MAML3: variants seen among roughly 807,000 people sequenced by gnomAD.
MAML3 encodes mastermind-like protein 3.
A neutral mutation model predicts 101.9 loss-of-function variants in MAML3; 27 were observed. The observed-to-expected ratio is 0.27, with a 90% CI of 0.20 to 0.37. The LOEUF (loss-of-function observed/expected upper bound fraction) is 0.37. MAML3 is among the 10% of genes least tolerant of loss of function. MAML3 has a pLI of 1.00. For synonymous variants in MAML3, 501 were observed against 555.9 expected (o/e 0.90, Z 1.39); for missense variants, 1,316 against 1,444.9 (o/e 0.91, Z 1.45).
At chr4:139,965,762 T>A (rs1734117942) in intron 1 of MAML3, among the ~76,000 whole-genome samples, 1 of 152,214 alleles carries the variant, frequency 6.6e-6, no homozygotes, top group Non-Finnish European at 1.5e-5. Context: ...GGGTCTTTTT[T>A]ATTTTATTTT....
At chr4:139,993,931 G>C (rs1383021721) in intron 1 of MAML3, among the ~76,000 whole-genome samples, 1 of 152,142 alleles carries the variant, frequency 6.6e-6, no homozygotes, top group African/African-American at 2.4e-5. Flanking sequence ...CCAAAACCCA[G>C]GTAACAAAGA....
rs964646580 is a variant in MAML3 at position 139,756,082 on chromosome 4, A to G, written c.2080-25415T>C. The stretch of plus-strand genomic sequence containing the variant: ...TAGGAAAGCGGCACATAGTAGAAGA[A>G]AAAAAAGCAACTTTCTGCAGAGTAT... On this transcript the variant is annotated intron_variant, in intron 2 of 4. Coordinates refer to ENST00000509479, the MANE Select transcript of MAML3 (RefSeq NM_018717.5). Among the ~76,000 whole-genome samples the G allele has an allele frequency of 3.3e-5, 5 of 152,224 alleles. No individual in the cohort carries two copies. The South Asian group carries it at 1.0e-3, about 31-fold the overall frequency.
chr4:139,967,491 C>T (rs1161255575), intron 1 of MAML3, among the ~76,000 whole-genome samples: 1 of 151,674 alleles, frequency 6.6e-6, no homozygotes, highest in Non-Finnish European at 1.5e-5. Flanking sequence ...CACACACACA[C>T]ACACACACAC....
intron 1 of MAML3, among the ~76,000 whole-genome samples, chr4:140,010,350 T>C (rs1292332110): frequency 1.3e-5 from 2 of 152,168 alleles, no homozygotes; most frequent in Non-Finnish European, 2.9e-5. Context: ...AGCACACCTA[T>C]ACACACACAC....
At chr4:140,106,117 A>AG (rs1728348510) in intron 1 of MAML3, among the ~76,000 whole-genome samples, 2 of 141,178 alleles carry the variant, frequency 1.4e-5, no homozygotes, top group South Asian at 2.2e-4. Flanking sequence ...GACTTCAAGA[A>AG]AAAAAAAAAA....
chr4:139,874,191 AAG>A (rs1732066145), intron 2 of MAML3, among the ~76,000 whole-genome samples: 1 of 152,118 alleles, frequency 6.6e-6, no homozygotes, highest in East Asian at 1.9e-4. Flanking sequence ...TAAGGCCTCA[AAG>A]AGTCTAACAG....
At position 139,721,050 on chromosome 4, in the gene MAML3, T is replaced by C. The variant is rs985088724; in HGVS notation, c.2417-727A>G. On this transcript the variant is annotated intron_variant, in intron 4 of 4. Transcript: ENST00000509479. ...TGTCATTGCAAACTGGCCAGCTTCC[T>C]GAGCTAGAAAAAGAAATCATCCTGC... 7.2e-5 allele frequency among the ~76,000 whole-genome samples: 11 copies of C among 152,246 alleles called. 1 individual carries two copies. Among genetic ancestry groups the C allele is most frequent in the Admixed American group, 6.5e-4 (10 of 15,278 alleles).
At chr4:139,744,709 G>A (rs1729267381) in intron 2 of MAML3, among the ~76,000 whole-genome samples, 1 of 152,188 alleles carries the variant, frequency 6.6e-6, no homozygotes, top group South Asian at 2.1e-4. Context: ...TGCAGCCACG[G>A]CCCCTGTCCT....
intron 2 of MAML3, among the ~76,000 whole-genome samples, chr4:139,840,138 C>T (rs1731335970): frequency 6.6e-6 from 1 of 152,200 alleles, no homozygotes; most frequent in Admixed American, 6.5e-5. Context: ...ATGGAGACTG[C>T]AATGACATAT....
chr4:139,873,045 G>A (rs1030464185), intron 2 of MAML3, among the ~76,000 whole-genome samples: 2 of 152,094 alleles, frequency 1.3e-5, no homozygotes, highest in African/African-American at 4.8e-5. Flanking sequence ...TTGTGCCACT[G>A]CACTCCAGCC....
intron 1 of MAML3, among the ~76,000 whole-genome samples, chr4:139,973,620 G>A (rs770301107): frequency 1.3e-5 from 2 of 152,064 alleles, no homozygotes; most frequent in Non-Finnish European, 2.9e-5. Flanking sequence ...ATATTTCTTG[G>A]TCAAAGGATA....
At chr4:139,964,403 C>T (rs1734085944) in intron 1 of MAML3, among the ~76,000 whole-genome samples, 1 of 152,010 alleles carries the variant, frequency 6.6e-6, no homozygotes, top group Admixed American at 6.5e-5. Context: ...AACACATAGA[C>T]ACAAAGAGGG....
chr4:139,960,947 G>T (rs534685446), intron 1 of MAML3, among the ~76,000 whole-genome samples: 19 of 152,322 alleles, frequency 1.2e-4, no homozygotes, highest in African/African-American at 4.3e-4. Flanking sequence ...GAGTTCAAAA[G>T]GAGCCACAGG....
intron 2 of MAML3, among the ~76,000 whole-genome samples, chr4:139,770,812 G>A (rs1729959920): frequency 6.6e-6 from 1 of 152,186 alleles, no homozygotes; most frequent in African/African-American, 2.4e-5. Context: ...AGTTTCTCTT[G>A]AAAGGATAGG....
chr4:140,058,602 T>C (rs1727392795), intron 1 of MAML3, among the ~76,000 whole-genome samples: 1 of 137,236 alleles, frequency 7.3e-6, no homozygotes, highest in South Asian at 2.4e-4. Flanking sequence ...TTAATCTATA[T>C]TTTCTTAGTA....
intron 1 of MAML3, among the ~76,000 whole-genome samples, chr4:140,048,366 A>G (rs1305578475): frequency 1.3e-5 from 2 of 152,236 alleles, no homozygotes; most frequent in Non-Finnish European, 2.9e-5. Context: ...TGACCAAATA[A>G]TAAAGCCATC....
At chr4:140,041,752 C>T (rs143862798) in intron 1 of MAML3, among the ~76,000 whole-genome samples, 83 of 152,286 alleles carry the variant, frequency 5.5e-4, no homozygotes, top group African/African-American at 1.8e-3. Context: ...GATCTTACCT[C>T]TAGCATGTTT....
At chr4:139,970,133 C>G (rs762244189) in intron 1 of MAML3, among the ~76,000 whole-genome samples, 3 of 152,126 alleles carry the variant, frequency 2.0e-5, no homozygotes, top group Non-Finnish European at 4.4e-5. Flanking sequence ...GCAATCAAAG[C>G]AAAGTACAAC....
At chr4:139,803,616 G>A (rs914553473) in intron 2 of MAML3, among the ~76,000 whole-genome samples, 5 of 152,154 alleles carry the variant, frequency 3.3e-5, no homozygotes, top group African/African-American at 1.2e-4. Context: ...GGTGGCAGCT[G>A]AAAGTTACTA....
Sources: allele counts gnomAD v4.1 joint callset (sites outside exome capture counted in the v4.1 genomes callset), GRCh38; gene constraint gnomAD v4.1.1; transcripts MANE v1.5; gene names NCBI Gene and HGNC (gene_info 2026-07-23, HGNC 2026-07-21).